Variants in MBLAC2 observed in about 807,000 individuals in gnomAD.
The protein encoded by MBLAC2 is metallo-beta-lactamase domain containing 2, also known as acyl-coenzyme A thioesterase MBLAC2.
Under a neutral mutation model 23.3 loss-of-function variants are expected in MBLAC2, and 24 were observed. That is an observed-to-expected ratio of 1.03 (90% confidence interval 0.75 to 1.45). The LOEUF (loss-of-function observed/expected upper bound fraction) is 1.45. Among genes scored for constraint, MBLAC2 ranks in the 40% most tolerant of loss-of-function variants. The probability of loss-of-function intolerance (pLI) is 0.00; values close to 1 mark genes in which losing one functional copy is unlikely to be tolerated. For missense variants in MBLAC2, 358 were observed against 370.0 expected (o/e 0.97, Z 0.27); for synonymous variants, 162 against 150.9 (o/e 1.07, Z -0.54).
intron 1 of MBLAC2, among the ~76,000 whole-genome samples, chr5:90,463,399 T>C (rs1750398591): frequency 6.6e-6 from 1 of 152,214 alleles, no homozygotes; most frequent in South Asian, 2.1e-4. Context: ...CCTTATTATG[T>C]GTTTTTAATA....
Position 90,474,676 on chromosome 5 carries a change from A to G in MBLAC2, c.-384T>C. 3.6e-6 allele frequency: 1 copy of G among 275,688 alleles called. No individual in the cohort carries two copies. 17.1% of individuals were successfully genotyped at this position (275,688 alleles called of 1,614,324 possible). On this transcript the variant is annotated 5_prime_UTR_variant, in exon 1 of 2. Coordinates refer to ENST00000316610, the MANE Select transcript of MBLAC2 (RefSeq NM_203406.2). ...CGGGCGTGTGACAGCAGAGGCCCGC[A>G]GTGAGGGTGGGAAGAGCTAGAACCG...
At chr5:90,470,924 T>G (rs566892458) in intron 1 of MBLAC2, among the ~76,000 whole-genome samples, 7 of 151,724 alleles carry the variant, frequency 4.6e-5, no homozygotes, top group Non-Finnish European at 1.0e-4. Flanking sequence ...TTCACTAGAG[T>G]TTTAAGAGCT....
intron 1 of MBLAC2, among the ~76,000 whole-genome samples, chr5:90,465,032 AAG>A (rs1410796664): frequency 3.9e-5 from 6 of 152,236 alleles, no homozygotes; most frequent in African/African-American, 1.4e-4. Context: ...AGCCAAGAAA[AAG>A]AGAGTAAGGT....
Position 90,474,274 on chromosome 5 carries a change from A to G in MBLAC2, c.19T>C (p.Tyr7His). Reference sequence around the variant, plus strand: ...CCATCGCCTAGAGACTTGTGGGCGTACCACTCGAGCGCCGACATGCTGGGC... The same window carrying G: ...CCATCGCCTAGAGACTTGTGGGCGTGCCACTCGAGCGCCGACATGCTGGGC... Reference protein sequence around the residue: MSALEWYAHKSLGDGIF... With the variant: MSALEWHAHKSLGDGIF... Residue 7 changes from tyrosine (Y) to histidine (H), a missense_variant, in exon 1 of 2, where the codon TAC becomes CAC. By Grantham distance (83) the Tyr-to-His change is moderately conservative. Transcript: ENST00000316610. 6.2e-7 allele frequency: 1 copy of G among 1,613,284 alleles called. No individual in the cohort carries two copies.
chr5:90,473,586 G>A lies in MBLAC2; in HGVS notation c.454+253C>T, dbSNP rs1056972958. The A allele has an allele frequency of 7.6e-5, 50 of 658,416 alleles. No homozygotes were observed. In the East Asian group the frequency reaches 1.1e-3, roughly 15 times the overall value. 40.8% of individuals were successfully genotyped at this position (658,416 alleles called of 1,614,324 possible). On this transcript the variant is annotated intron_variant, in intron 1 of 1. Coordinates refer to ENST00000316610, the MANE Select transcript of MBLAC2 (RefSeq NM_203406.2). ...ATGCAGGAAAGTGGCTAGGGAGGGG[G>A]TGGTGCCGGCTTTCAAAGGAGTACT... is the stretch of plus-strand genomic sequence containing the variant.
rs958543362 is a variant in MBLAC2 at position 90,474,131 on chromosome 5, C to T, written c.162G>A (p.Pro54=). Residue 54 remains proline, a synonymous_variant, in exon 1 of 2, where the codon CCG becomes CCA. Transcript: ENST00000316610. ...AGAGGCCGGAGGAGTACAGGTACTC[C>T]GGGAGGCTGCGCAGCCCCAGGCCTG... is the stretch of plus-strand genomic sequence containing the variant. ...IDTGLGLRSL[P]EYLYSSGLLQ... The T allele has an allele frequency of 2.5e-6, 4 of 1,585,292 alleles. No individual in the cohort carries two copies. In the East Asian group the frequency reaches 6.9e-5, roughly 27 times the overall value.
At position 90,460,184 on chromosome 5, in the gene MBLAC2, T is replaced by G. The variant is rs1368216108; in HGVS notation, c.*983A>C. ...CAATTCACTCTAAGTCAATAGCTAA[T>G]GCACATTTTGCAATTAATTTAAAAA... On this transcript the variant is annotated 3_prime_UTR_variant, in exon 2 of 2. Transcript: ENST00000316610. 6.6e-6 allele frequency: 1 copy of G among 152,572 alleles called. No individual in the cohort carries two copies. The highest frequency in any genetic ancestry group is 1.5e-5 in the Non-Finnish European group (1 of 67,968). 9.5% of individuals were successfully genotyped at this position (152,572 alleles called of 1,614,324 possible). A position where few individuals can be genotyped will look rare whatever the true frequency, so the allele number is the denominator to read the frequency against.
intron 1 of MBLAC2, 34 bp from the exon 2 acceptor site, chr5:90,461,586 G>A (rs188531275): frequency 3.2e-6 from 5 of 1,568,554 alleles, no homozygotes; most frequent in Admixed American, 1.9e-5. Flanking sequence ...AGATAAACAT[G>A]TTGTATACTT....
chr5:90,463,983 T>C (rs1462618494), intron 1 of MBLAC2, among the ~76,000 whole-genome samples: 1 of 152,172 alleles, frequency 6.6e-6, no homozygotes, highest in Non-Finnish European at 1.5e-5. Context: ...ATTTGACAAC[T>C]TATTTGAAAT....
Position 90,473,908 on chromosome 5 carries a change from G to A in MBLAC2, c.385C>T (p.Pro129Ser). ...WLSDSEVVRT[P>S]SPGWRARQFR... ...TGTCTGGCCCTCCAGCCGGGGCTGG[G>A]CGTCCGCACCACCTCGCTATCGGAA... The change falls in exon 1 of 2, where the codon CCC becomes TCC. Residue 129 changes from proline to serine, a missense_variant. Physicochemically the swap from Pro to Ser is moderately conservative, Grantham distance 74. Transcript: ENST00000316610. 1 of 1,606,392 alleles carries A rather than the reference G, an allele frequency of 6.2e-7. No individual in the cohort carries two copies. Among genetic ancestry groups the A allele is most frequent in the Non-Finnish European group, 8.5e-7 (1 of 1,177,148 alleles).
rs780565150 is a variant in MBLAC2 at position 90,461,161 on chromosome 5, T to C, written c.*6A>G. On this transcript the variant is annotated 3_prime_UTR_variant, in exon 2 of 2. Coordinates refer to ENST00000316610, the MANE Select transcript of MBLAC2 (RefSeq NM_203406.2). Reference sequence around the variant, plus strand: ...AATTAATCAAAATATATTATCAGTATAGATACTAGGGCGAGGTCCTAGAAT... The same window carrying C: ...AATTAATCAAAATATATTATCAGTACAGATACTAGGGCGAGGTCCTAGAAT... The C allele has an allele frequency of 3.2e-6, 5 of 1,569,536 alleles. No homozygotes were observed. Among genetic ancestry groups the C allele is most frequent in the Non-Finnish European group, 4.3e-6 (5 of 1,162,366 alleles).
At chr5:90,467,738 CTT>C (rs144251015) in intron 1 of MBLAC2, among the ~76,000 whole-genome samples, 1 of 140,842 alleles carries the variant, frequency 7.1e-6, no homozygotes, top group African/African-American at 2.8e-5. Flanking sequence ...TGAATACCTT[CTT>C]TTTTTGGGGG....
In MBLAC2 at chr5:90,469,154, C is replaced by T. The variant is rs571783020; in HGVS notation, c.454+4685G>A. Among the ~76,000 whole-genome samples, 57 of 152,140 alleles carry T rather than the reference C, an allele frequency of 3.7e-4. 1 individual carries two copies. The highest frequency in any genetic ancestry group is 1.9e-3 in the East Asian group (10 of 5,176). On this transcript the variant is annotated intron_variant, in intron 1 of 1. Transcript: ENST00000316610. ...CTAATTTTTGTATTTTTAGTAGAGA[C>T]GGGGTTTCACTATGTTGGCCAGGCT... is the stretch of plus-strand genomic sequence containing the variant.
In MBLAC2 at chr5:90,461,167, C is replaced by A; in HGVS notation, c.840G>T (p.Ter280TyrextTer4). The A allele has an allele frequency of 6.3e-7, 1 of 1,582,952 alleles. No individual in the cohort carries two copies. The highest frequency in any genetic ancestry group is 1.9e-5 in the Admixed American group (1 of 54,042). Residue 280 changes from the stop codon to tyrosine, a stop_lost, in exon 2 of 2, where the codon TAG becomes TAT. Coordinates refer to ENST00000316610, the MANE Select transcript of MBLAC2 (RefSeq NM_203406.2). ...LRVTNSRTSP[*>Y] ...TCAAAATATATTATCAGTATAGATACTAGGGCGAGGTCCTAGAATTTGTTA... is the reference window on the plus strand; with the variant it reads ...TCAAAATATATTATCAGTATAGATAATAGGGCGAGGTCCTAGAATTTGTTA...
At chr5:90,469,517 T>G (rs1580182329) in intron 1 of MBLAC2, among the ~76,000 whole-genome samples, 1 of 152,212 alleles carries the variant, frequency 6.6e-6, no homozygotes, top group East Asian at 1.9e-4. Flanking sequence ...TAAAGCATCC[T>G]TACTGACTCT....
chr5:90,474,303 G>C lies in MBLAC2; in HGVS notation c.-11C>G, dbSNP rs749731528. ...CTCGAGCGCCGACATGCTGGGCAGG[G>C]GTGCAGCCAGGCGGGGTGAGTGTGG... On this transcript the variant is annotated 5_prime_UTR_variant, in exon 1 of 2. Transcript: ENST00000316610. The C allele has an allele frequency of 3.1e-6, 5 of 1,610,918 alleles. No individual in the cohort carries two copies. The highest frequency in any genetic ancestry group is 4.2e-6 in the Non-Finnish European group (5 of 1,178,544).
chr5:90,461,382 CAT>C lies in MBLAC2; in HGVS notation c.623_624del (p.Tyr208CysfsTer5), dbSNP rs759277500. The C allele has an allele frequency of 1.7e-5, 28 of 1,614,164 alleles. No homozygotes were observed. The highest frequency in any genetic ancestry group is 2.4e-5 in the Non-Finnish European group (28 of 1,180,020). Reference protein sequence around the residue: ...DWLPYSRISDYVGTCERLIEL... With the variant: ...DWLPYSRISDXVGTCERLIEL... The stretch of plus-strand genomic sequence containing the variant: ...TCTATTAGACGTTCACAAGTTCCAA[CAT>C]AGTCACTTATCCTGCTGTATGGGAG... On this transcript the variant is annotated frameshift_variant, in exon 2 of 2. Coordinates refer to ENST00000316610, the MANE Select transcript of MBLAC2 (RefSeq NM_203406.2). LOFTEE classifies it high-confidence loss of function.
chr5:90,468,970 C>T (rs1750500249), intron 1 of MBLAC2, among the ~76,000 whole-genome samples: 1 of 152,120 alleles, frequency 6.6e-6, no homozygotes, highest in South Asian at 2.1e-4. Context: ...ATGCCTACAT[C>T]AAAAAGTCTG....
intron 1 of MBLAC2, among the ~76,000 whole-genome samples, chr5:90,466,526 A>C (rs189070656): frequency 2.0e-5 from 3 of 152,302 alleles, no homozygotes; most frequent in Admixed American, 2.0e-4. Flanking sequence ...CAAGTTATAA[A>C]CTTTCTTGCT....
Sources: allele counts gnomAD v4.1 joint callset (sites outside exome capture counted in the v4.1 genomes callset), GRCh38; gene constraint gnomAD v4.1.1; transcripts MANE v1.5; gene names NCBI Gene and HGNC (gene_info 2026-07-23, HGNC 2026-07-21).